The following CADM2 variants were observed in gnomAD, a reference collection of about 807,000 sequenced individuals.
CADM2 encodes the protein immunoglobulin superfamily member 4D.
CADM2 carries 12 observed loss-of-function variants against 49.8 expected under a neutral mutation model. The observed-to-expected ratio is 0.24, with a 90% CI of 0.15 to 0.39. CADM2 has a LOEUF of 0.39. Ranked by LOEUF, CADM2 falls within the 10% of genes least tolerant of loss-of-function variation. CADM2 has a pLI of 1.00. For synonymous variants in CADM2, 214 were observed against 175.4 expected, an observed-to-expected ratio of 1.22 and a Z score of -1.74; for missense variants, 378 against 492.3, an observed-to-expected ratio of 0.77 and a Z score of 2.20.
intron 1 of CADM2, among the ~76,000 whole-genome samples, chr3:85,584,937 G>T (rs986922111): frequency 6.6e-6 from 1 of 152,104 alleles, no homozygotes; most frequent in Non-Finnish European, 1.5e-5. Flanking sequence ...CCTGAAGAGA[G>T]ATTTGTGAAA....
At chr3:85,080,907 A>G (rs2037138057) in intron 1 of CADM2, among the ~76,000 whole-genome samples, 1 of 152,122 alleles carries the variant, frequency 6.6e-6, no homozygotes, top group African/African-American at 2.4e-5. Context: ...ACTAATTATT[A>G]GAATACAATC....
In CADM2 at chr3:85,617,623, C is replaced by G. The variant is rs757534171; in HGVS notation, c.62-108899C>G. ...TGATCAGCTTAATCTTCAGCCTGCC[C>G]CCTTTCCTCGGAGTTTGGGGCGTGG... On this transcript the variant is annotated intron_variant, in intron 1 of 9. Coordinates refer to ENST00000383699, the MANE Select transcript of CADM2 (RefSeq NM_001167675.2). Among the ~76,000 whole-genome samples, 19 of 152,198 alleles carry G rather than the reference C, an allele frequency of 1.2e-4. No homozygotes were observed. The Middle Eastern group carries it at 0.01, about 82-fold the overall frequency.
At chr3:85,479,174 C>A (rs2039106249) in intron 1 of CADM2, among the ~76,000 whole-genome samples, 1 of 151,644 alleles carries the variant, frequency 6.6e-6, no homozygotes, top group African/African-American at 2.4e-5. Context: ...AGCTAGTGTC[C>A]AACTCCTGTA....
intron 2 of CADM2, among the ~76,000 whole-genome samples, chr3:85,797,969 G>A (rs1394193595): frequency 6.6e-6 from 1 of 152,152 alleles, no homozygotes; most frequent in Non-Finnish European, 1.5e-5. Flanking sequence ...GCATGAGATA[G>A]TATCTCATTG....
chr3:85,819,602 G>T (rs539714795), intron 3 of CADM2, among the ~76,000 whole-genome samples: 2 of 152,042 alleles, frequency 1.3e-5, no homozygotes, highest in East Asian at 1.9e-4. Context: ...GGTAGAGAAG[G>T]TGTCATCAAG....
chr3:85,113,471 C>T (rs924246400), intron 1 of CADM2, among the ~76,000 whole-genome samples: 1 of 151,710 alleles, frequency 6.6e-6, no homozygotes, highest in African/African-American at 2.4e-5. Context: ...GAATAAAGTT[C>T]CACCAAAGTA....
intron 8 of CADM2, among the ~76,000 whole-genome samples, chr3:86,048,260 G>GTA (rs1367054203): frequency 2.5e-4 from 38 of 151,638 alleles, no homozygotes; most frequent in African/African-American, 6.5e-4. Flanking sequence ...ATATACGTGT[G>GTA]TATATATATA....
chr3:85,799,150 T>C (rs1005060519), intron 2 of CADM2, among the ~76,000 whole-genome samples: 1 of 152,222 alleles, frequency 6.6e-6, no homozygotes, highest in Non-Finnish European at 1.5e-5. Flanking sequence ...AAGTTGCTTA[T>C]CAGCTTAAGG....
chr3:86,055,018 C>A (rs983943385), intron 8 of CADM2, among the ~76,000 whole-genome samples: 1 of 151,958 alleles, frequency 6.6e-6, no homozygotes, highest in Non-Finnish European at 1.5e-5. Flanking sequence ...AGACAGGAAG[C>A]AACAGAATAA....
At chr3:84,977,243 G>T (rs2031876586) in intron 1 of CADM2, among the ~76,000 whole-genome samples, 1 of 151,884 alleles carries the variant, frequency 6.6e-6, no homozygotes, top group Non-Finnish European at 1.5e-5. Context: ...GGACCCAGTG[G>T]GTACTGACAT....
intron 1 of CADM2, among the ~76,000 whole-genome samples, chr3:85,486,519 A>G (rs1387254647): frequency 6.6e-6 from 1 of 152,130 alleles, no homozygotes; most frequent in Non-Finnish European, 1.5e-5. Flanking sequence ...CTTATTTTAG[A>G]TAGTCAGAAA....
At chr3:85,704,784 TA>T (rs1004429472) in intron 1 of CADM2, among the ~76,000 whole-genome samples, 3 of 152,034 alleles carry the variant, frequency 2.0e-5, no homozygotes, top group East Asian at 1.9e-4. Flanking sequence ...TTTATACCAT[TA>T]AAAAATCAAT....
At chr3:85,763,705 C>A (rs901760204) in intron 2 of CADM2, among the ~76,000 whole-genome samples, 10 of 152,162 alleles carry the variant, frequency 6.6e-5, no homozygotes, top group Admixed American at 3.3e-4. Context: ...CAAAATGATC[C>A]TTTTCTCCAA....
chr3:85,137,225 C>A (rs1227781326), intron 1 of CADM2, among the ~76,000 whole-genome samples: 1 of 151,886 alleles, frequency 6.6e-6, no homozygotes, highest in African/African-American at 2.4e-5. Flanking sequence ...TTCTTAATTT[C>A]TAAAACTGAG....
chr3:84,999,771 A>T (rs1409915954), intron 1 of CADM2, among the ~76,000 whole-genome samples: 2 of 152,130 alleles, frequency 1.3e-5, no homozygotes, highest in Non-Finnish European at 2.9e-5. Context: ...AGTTTTATTG[A>T]GTAGGCAAAT....
chr3:85,036,760 C>A (rs2035230729), intron 1 of CADM2, among the ~76,000 whole-genome samples: 1 of 151,940 alleles, frequency 6.6e-6, no homozygotes, highest in African/African-American at 2.4e-5. Context: ...TTAAAATATT[C>A]TTTAATCTTA....
chr3:85,436,555 A>G (rs903436741), intron 1 of CADM2, among the ~76,000 whole-genome samples: 1 of 152,152 alleles, frequency 6.6e-6, no homozygotes, highest in African/African-American at 2.4e-5. Context: ...GGTTTGTTAT[A>G]AATAGCTCTT....
intron 1 of CADM2, among the ~76,000 whole-genome samples, chr3:85,273,796 T>C (rs1206679320): frequency 2.0e-5 from 3 of 150,560 alleles, no homozygotes; most frequent in Admixed American, 2.0e-4. Context: ...TGGAGATACA[T>C]TTTATGAGTC....
intron 1 of CADM2, among the ~76,000 whole-genome samples, chr3:85,347,381 A>G (rs1218821179): frequency 6.7e-6 from 1 of 150,002 alleles, no homozygotes; most frequent in East Asian, 1.9e-4. Context: ...GTATAATTTT[A>G]AGGACAATAT....
Sources: allele counts gnomAD v4.1 joint callset (sites outside exome capture counted in the v4.1 genomes callset), GRCh38; gene constraint gnomAD v4.1.1; transcripts MANE v1.5; gene names NCBI Gene and HGNC (gene_info 2026-07-23, HGNC 2026-07-21).